Variants in ENPP3 observed in about 807,000 individuals in gnomAD.
ENPP3 encodes the protein ectonucleotide pyrophosphatase/phosphodiesterase family member 3.
ENPP3 carries 104 observed loss-of-function variants against 117.8 expected under a neutral mutation model. The observed-to-expected ratio is 0.88, with a 90% CI of 0.75 to 1.04. The LOEUF (loss-of-function observed/expected upper bound fraction) is 1.04. Ranked by LOEUF, ENPP3 falls within the 50% of genes least tolerant of loss-of-function variation. ENPP3 has a pLI of 0.00. For synonymous variants in ENPP3, 380 were observed against 349.9 expected (o/e 1.09, Z -0.96); for missense variants, 1,026 against 1,051.9 (o/e 0.98, Z 0.34).
rs764170926 is a variant in ENPP3, at chr6:131,675,114, C to T, written c.797C>T (p.Ala266Val). The T allele has an allele frequency of 1.5e-5, 25 of 1,613,596 alleles. No homozygotes were observed. The highest frequency in any genetic ancestry group is 1.9e-5 in the Non-Finnish European group (23 of 1,179,678). The stretch of plus-strand genomic sequence containing the variant: ...ACAGCAATGTATCAAGGTTTAAAAG[C>T]CGCTACCTACTTTTGGCCCGGATCA... ...WLTAMYQGLK[A>V]ATYFWPGSEV... Residue 266 changes from alanine (A) to valine (V), a missense_variant, in exon 9 of 25, where the codon GCC becomes GTC. Coordinates refer to ENST00000357639, the MANE Select transcript of ENPP3 (RefSeq NM_005021.5).
intron 20 of ENPP3, among the ~76,000 whole-genome samples, chr6:131,726,442 T>C (rs892841205): frequency 6.6e-6 from 1 of 152,088 alleles, no homozygotes; most frequent in Non-Finnish European, 1.5e-5. Flanking sequence ...AATTGGCCAA[T>C]TGGTAAGGCA....
intron 15 of ENPP3, among the ~76,000 whole-genome samples, chr6:131,699,152 T>G (rs1176597910): frequency 1.2e-4 from 18 of 145,024 alleles, no homozygotes; most frequent in African/African-American, 4.7e-4. Context: ...GCAGGAGAAT[T>G]GTTTCAACCC....
Position 131,718,683 on chromosome 6 carries a change from A to T in ENPP3, c.1424A>T (p.Asn475Ile). 6.3e-7 allele frequency: 1 copy of T among 1,590,660 alleles called. No individual in the cohort carries two copies. The highest frequency in any genetic ancestry group is 8.6e-7 in the Non-Finnish European group (1 of 1,160,250). Reference sequence around the variant, plus strand: ...TTTTTTCTTTATAGGAGTAAATCAAATACAAATTGTGGAGGAGGCAACCAT... The same window carrying T: ...TTTTTTCTTTATAGGAGTAAATCAATTACAAATTGTGGAGGAGGCAACCAT... ...QQWLAVRSKS[N>I]TNCGGGNHGY... is the part of the protein sequence containing the mutation. The change falls in exon 16 of 25, where the codon AAT becomes ATT. Residue 475 changes from asparagine to isoleucine, a missense_variant. By Grantham distance (149) the Asn-to-Ile change is moderately radical. Coordinates refer to ENST00000357639, the MANE Select transcript of ENPP3 (RefSeq NM_005021.5).
Position 131,650,012 on chromosome 6 carries a change from TC to T in ENPP3, c.155-13del. ...AGCTCCTAAATGTTCGGGCCCTATTTCCTTTACTTTGTAGGCAGCTGCAGGA... is the reference window on the plus strand; with the variant it reads ...AGCTCCTAAATGTTCGGGCCCTATTTCTTTACTTTGTAGGCAGCTGCAGGA... On this transcript the variant is annotated splice_polypyrimidine_tract_variant and intron_variant, in intron 2 of 24. Coordinates refer to ENST00000357639, the MANE Select transcript of ENPP3 (RefSeq NM_005021.5). 6.2e-7 allele frequency: 1 copy of T among 1,613,784 alleles called. No individual in the cohort carries two copies. Among genetic ancestry groups the T allele is most frequent in the South Asian group, 1.1e-5 (1 of 91,070 alleles).
At chr6:131,683,943 G>A (rs1382925281) in intron 12 of ENPP3, among the ~76,000 whole-genome samples, 1 of 151,956 alleles carries the variant, frequency 6.6e-6, no homozygotes, top group Non-Finnish European at 1.5e-5. Flanking sequence ...AGTAGCGATG[G>A]GGTTTCACCG....
intron 12 of ENPP3, 127 bp from the exon 13 acceptor site, chr6:131,685,237 G>C (rs1450718009): frequency 1.2e-6 from 1 of 832,008 alleles, no homozygotes; most frequent in East Asian, 2.5e-5. Flanking sequence ...AGGGTGAATT[G>C]CGTAAATTCT....
At chr6:131,731,258 A>G (rs1225530256) in intron 20 of ENPP3, among the ~76,000 whole-genome samples, 1 of 151,982 alleles carries the variant, frequency 6.6e-6, no homozygotes, top group Non-Finnish European at 1.5e-5. Context: ...GTCAGCTTCT[A>G]TTTTAAGAGT....
At chr6:131,737,306 T>C (rs774525057) in intron 21 of ENPP3, 49 bp from the exon 22 acceptor site, 24 of 1,122,976 alleles carry the variant, frequency 2.1e-5, no homozygotes, top group Non-Finnish European at 3.1e-5. Context: ...GTGCAGTATG[T>C]CATATTTTCT....
In ENPP3 at chr6:131,652,876, C is replaced by G. The variant is rs1196319013; in HGVS notation, c.449C>G (p.Ser150Cys). 1.2e-6 allele frequency: 2 copies of G among 1,612,218 alleles called. No individual in the cohort carries two copies. The highest frequency in any genetic ancestry group is 1.7e-4 in the Middle Eastern group (1 of 6,056). ...GAAAACTGTGACACAGCCCAGCAGT[C>G]TCAGTGCCCAGAAGGGTGAGCATGA... Reference protein sequence around the residue: ...LEENCDTAQQSQCPEGFDLPP... With the variant: ...LEENCDTAQQCQCPEGFDLPP... Residue 150 changes from serine (S) to cysteine (C), a missense_variant, in exon 5 of 25, where the codon TCT becomes TGT. By Grantham distance (112) the Ser-to-Cys change is moderately radical. Transcript: ENST00000357639.
chr6:131,715,728 G>A (rs1779874242), intron 15 of ENPP3, among the ~76,000 whole-genome samples: 1 of 152,222 alleles, frequency 6.6e-6, no homozygotes, highest in Non-Finnish European at 1.5e-5. Flanking sequence ...GAGAATTTGG[G>A]GCCAACTTCC....
intron 19 of ENPP3, 93 bp from the exon 20 acceptor site, chr6:131,725,953 G>A (rs902838611): frequency 1.4e-5 from 10 of 738,926 alleles, no homozygotes; most frequent in Non-Finnish European, 2.3e-5. Flanking sequence ...TAAGCCATAA[G>A]AGAGTGGTAG....
At chr6:131,687,821 T>G (rs941121768) in intron 14 of ENPP3, among the ~76,000 whole-genome samples, 4 of 152,220 alleles carry the variant, frequency 2.6e-5, no homozygotes, top group African/African-American at 9.6e-5. Context: ...GTTATATATT[T>G]AAAATATATT....
chr6:131,680,694 G>T (rs1562448096), intron 11 of ENPP3, among the ~76,000 whole-genome samples: 1 of 152,168 alleles, frequency 6.6e-6, no homozygotes, highest in Non-Finnish European at 1.5e-5. Context: ...TAAATTGACA[G>T]TAAAAAGGCG....
At chr6:131,691,231 A>G (rs142559741) in intron 14 of ENPP3, among the ~76,000 whole-genome samples, 2 of 152,100 alleles carry the variant, frequency 1.3e-5, no homozygotes, top group Non-Finnish European at 2.9e-5. Context: ...TGAAGTGGCA[A>G]CTTTTTAAGT....
chr6:131,727,485 G>A (rs1015638138), intron 20 of ENPP3, among the ~76,000 whole-genome samples: 2 of 150,020 alleles, frequency 1.3e-5, no homozygotes, highest in Non-Finnish European at 3.0e-5. Context: ...AACCCGGGAG[G>A]TGGAGGTTGC....
At position 131,653,184 on chromosome 6, in the gene ENPP3, C is replaced by T. The variant is rs563971502; in HGVS notation, c.464+293C>T. 5.3e-5 allele frequency among the ~76,000 whole-genome samples: 8 copies of T among 152,238 alleles called. No homozygotes were observed. In the South Asian group the frequency reaches 6.2e-4, roughly 12 times the overall value. On this transcript the variant is annotated intron_variant, in intron 5 of 24. Transcript: ENST00000357639. ...TTGCTCTGTTTTCCAAGCTGGAGCG[C>T]GGTGGTGCAATCACAGCTCACTGCA...
At chr6:131,743,966 AT>A (rs1444135642) in intron 24 of ENPP3, among the ~76,000 whole-genome samples, 7 of 152,228 alleles carry the variant, frequency 4.6e-5, no homozygotes, top group Non-Finnish European at 1.0e-4. Context: ...TTCCAATAGC[AT>A]TTGGATAGGT....
chr6:131,640,146 G>C (rs1165176543), intron 1 of ENPP3, among the ~76,000 whole-genome samples: 1 of 152,122 alleles, frequency 6.6e-6, no homozygotes, highest in Non-Finnish European at 1.5e-5. Context: ...GATTTTTCTA[G>C]CAAGTTTGAA....
chr6:131,680,345 A>G (rs947510150), intron 11 of ENPP3, among the ~76,000 whole-genome samples: 2 of 152,164 alleles, frequency 1.3e-5, no homozygotes, highest in African/African-American at 4.8e-5. Context: ...GGTCCCATTT[A>G]TATTAATAAG....
Sources: gnomAD v4.1 joint callset for allele counts (sites outside exome capture counted in the v4.1 genomes callset) on GRCh38, gnomAD v4.1.1 for gene constraint, MANE v1.5 for transcripts, NCBI Gene and HGNC (gene_info 2026-07-23, HGNC 2026-07-21) for gene names.